The following SLC25A37 variants were observed in gnomAD, a reference collection of about 807,000 sequenced individuals.
SLC25A37 encodes the protein solute carrier family 25 member 37, also known as mitoferrin-1.
In SLC25A37, 17 loss-of-function variants were observed where a neutral mutation model predicts 31.0. The ratio of observed to expected loss-of-function variants is 0.55; its 90% CI spans 0.38 to 0.82. The LOEUF is 0.82. Among genes scored for constraint, SLC25A37 ranks in the 40% least tolerant of loss-of-function variants. The pLI, the probability that SLC25A37 is intolerant of heterozygous loss-of-function variation, is 0.00. For missense variants in SLC25A37, 404 were observed against 465.8 expected, an observed-to-expected ratio of 0.87 and a Z score of 1.22; for synonymous variants, 222 against 193.0, an observed-to-expected ratio of 1.15 and a Z score of -1.24.
intron 1 of SLC25A37, among the ~76,000 whole-genome samples, chr8:23,563,196 A>AT (rs1256697087): frequency 2.0e-5 from 3 of 151,664 alleles, no homozygotes; most frequent in African/African-American, 7.3e-5. Flanking sequence ...TTAATTTTTA[A>AT]TTTTTTTTAA....
At chr8:23,540,912 G>T (rs1801877926) in intron 1 of SLC25A37, among the ~76,000 whole-genome samples, 1 of 152,212 alleles carries the variant, frequency 6.6e-6, no homozygotes, top group Non-Finnish European at 1.5e-5. Context: ...CTGTGCAGGT[G>T]CTAGGTCATG....
chr8:23,536,524 T>G (rs2137301), intron 1 of SLC25A37, among the ~76,000 whole-genome samples: 19,722 of 152,064 alleles, frequency 0.13, 1,739 homozygotes, highest in East Asian at 0.29. Flanking sequence ...TCCTCAGGAA[T>G]GTGCCCTTCC....
chr8:23,538,828 G>T (rs1050145635), intron 1 of SLC25A37, among the ~76,000 whole-genome samples: 1 of 152,198 alleles, frequency 6.6e-6, no homozygotes, highest in Non-Finnish European at 1.5e-5. Flanking sequence ...AAGGTCTGGC[G>T]TGTATGGACT....
chr8:23,538,522 CGTGT>C lies in SLC25A37; in HGVS notation c.210+9331_210+9334del, dbSNP rs202005751. On this transcript the variant is annotated intron_variant, in intron 1 of 3. Coordinates refer to ENST00000519973, the MANE Select transcript of SLC25A37 (RefSeq NM_016612.4). The stretch of plus-strand genomic sequence containing the variant: ...AGACTTTCTTGGCTCCGTTGTTTGT[CGTGT>C]GTGTGTGTGTGTGTGTGTGTTTGTG... Among the ~76,000 whole-genome samples, 342 of 108,886 alleles carry C rather than the reference CGTGT, an allele frequency of 3.1e-3. 2 individuals are homozygous for C. Among genetic ancestry groups the C allele is most frequent in the Middle Eastern group, 8.6e-3 (2 of 232 alleles). The allele number at this position is 108,886 out of a possible 152,430, so 71.4% of individuals were successfully genotyped here. A position where few individuals can be genotyped will look rare whatever the true frequency, so the allele number is the denominator to read the frequency against.
Position 23,568,387 on chromosome 8 carries a change from TC to T in SLC25A37, c.496+10del. The T allele has an allele frequency of 2.5e-6, 4 of 1,613,880 alleles. No homozygotes were observed. The highest frequency in any genetic ancestry group is 3.4e-6 in the Non-Finnish European group (4 of 1,179,868). On this transcript the variant is annotated intron_variant, in intron 3 of 3. Transcript: ENST00000519973. The stretch of plus-strand genomic sequence containing the variant: ...AATGAATCCAGCAGAAGGTAATGTT[TC>T]ATGGTCCCAGGGAGGGGCAGTAGGG...
intron 1 of SLC25A37, among the ~76,000 whole-genome samples, chr8:23,537,195 C>CAAAAA (rs71550712): frequency 2.6e-5 from 3 of 117,252 alleles, no homozygotes; most frequent in African/African-American, 3.4e-5. Flanking sequence ...GACCCTGTCT[C>CAAAAA]AAAAAAAAAA....
At chr8:23,546,612 G>GTATATATA (rs1802071785) in intron 1 of SLC25A37, among the ~76,000 whole-genome samples, 1 of 132,356 alleles carries the variant, frequency 7.6e-6, no homozygotes, top group Admixed American at 8.3e-5. Flanking sequence ...ATGTGTGTGT[G>GTATATATA]TGTGTGTGTA....
chr8:23,538,398 A>AC (rs1468604821), intron 1 of SLC25A37, among the ~76,000 whole-genome samples: 4 of 143,844 alleles, frequency 2.8e-5, no homozygotes, highest in African/African-American at 1.0e-4. Context: ...AAAAAAAAAA[A>AC]AAAAAAAACC....
intron 1 of SLC25A37, among the ~76,000 whole-genome samples, chr8:23,552,467 G>A (rs1802252176): frequency 6.6e-6 from 1 of 152,190 alleles, no homozygotes; most frequent in Non-Finnish European, 1.5e-5. Context: ...CATGTGGCTG[G>A]CGTGGGGTAG....
At chr8:23,546,189 T>C (rs1802033299) in intron 1 of SLC25A37, among the ~76,000 whole-genome samples, 1 of 151,876 alleles carries the variant, frequency 6.6e-6, no homozygotes, top group Non-Finnish European at 1.5e-5. Context: ...TAGTCCCAGC[T>C]ACTCAGGAGG....
rs148976359 is a variant in SLC25A37 at position 23,545,148 on chromosome 8, C to T, written c.210+15936C>T. ...CTGGTCCAGGTCACAACTTGTAGGG[C>T]AAAGAGAGACTTGAGGATGGTGTAG... On this transcript the variant is annotated intron_variant, in intron 1 of 3. Coordinates refer to ENST00000519973, the MANE Select transcript of SLC25A37 (RefSeq NM_016612.4). Among the ~76,000 whole-genome samples, 21 of 152,292 alleles carry T rather than the reference C, an allele frequency of 1.4e-4. No homozygotes were observed. In the East Asian group the frequency reaches 4.1e-3, roughly 29 times the overall value.
Position 23,528,985 on chromosome 8 carries a change from G to C in SLC25A37, c.-18G>C, listed in dbSNP as rs969890916. 2 of 1,476,898 alleles carry C rather than the reference G, an allele frequency of 1.4e-6. No homozygotes were observed. The highest frequency in any genetic ancestry group is 4.6e-5 in the Admixed American group (2 of 43,862). The allele number at this position is 1,476,898 out of a possible 1,614,324, so 91.5% of individuals were successfully genotyped here. On this transcript the variant is annotated 5_prime_UTR_variant, in exon 1 of 4. Transcript: ENST00000519973. ...CTGCCCACCTCCTGCAGCCTCCTGCGCCCCGCCGAGCTGGCGGATGGAGCT... is the reference window on the plus strand; with the variant it reads ...CTGCCCACCTCCTGCAGCCTCCTGCCCCCCGCCGAGCTGGCGGATGGAGCT...
rs1423675434 is a variant in SLC25A37 at position 23,575,347 on chromosome 8, T to A, written c.*3492T>A. The A allele has an allele frequency of 6.6e-6, 1 of 152,216 alleles. No individual in the cohort carries two copies. The highest frequency in any genetic ancestry group is 1.5e-5 in the Non-Finnish European group (1 of 68,044). The allele number at this position is 152,216 out of a possible 1,614,324, so 9.4% of individuals were successfully genotyped here. On this transcript the variant is annotated 3_prime_UTR_variant, in exon 4 of 4. Coordinates refer to ENST00000519973, the MANE Select transcript of SLC25A37 (RefSeq NM_016612.4). ...GTAACTATTGTTTCTGCCTCTCAAT[T>A]GTTGCCAGCTCTTTGAAGAAGGGGA...
At chr8:23,567,778 G>A (rs192523422) in intron 2 of SLC25A37, 108 of 158,240 alleles carry the variant, frequency 6.8e-4, no homozygotes, top group Non-Finnish European at 1.3e-3. Flanking sequence ...GACTGACCCT[G>A]GAAATCTACA....
At chr8:23,562,585 C>T (rs931679178) in intron 1 of SLC25A37, among the ~76,000 whole-genome samples, 15 of 152,192 alleles carry the variant, frequency 9.9e-5, no homozygotes, top group African/African-American at 3.6e-4. Flanking sequence ...CCTCTGTGGC[C>T]TGCACAACCC....
chr8:23,568,948 GAAAAAAA>G, intron 3 of SLC25A37: 2 of 120,158 alleles, frequency 1.7e-5, no homozygotes, highest in Non-Finnish European at 3.4e-5. Flanking sequence ...ATCTCAAAAG[GAAAAAAA>G]AAAAAAAAAA....
chr8:23,566,648 C>G, intron 2 of SLC25A37: 1 of 1,080,558 alleles, frequency 9.3e-7, no homozygotes, highest in Non-Finnish European at 1.1e-6. Context: ...TTTAAACATT[C>G]AAAAGCAATT....
At position 23,571,918 on chromosome 8, in the gene SLC25A37, C is replaced by A; in HGVS notation, c.*63C>A. 1 of 1,551,032 alleles carries A rather than the reference C, an allele frequency of 6.4e-7. No individual in the cohort carries two copies. The highest frequency in any genetic ancestry group is 8.7e-7 in the Non-Finnish European group (1 of 1,144,314). On this transcript the variant is annotated 3_prime_UTR_variant, in exon 4 of 4. Transcript: ENST00000519973. ...CTGCCTGCATCCAGCCCCTTGCCCT[C>A]TCCTCACACGTAGATCATTTTTTTT...
chr8:23,566,578 G>T, intron 2 of SLC25A37: 2 of 1,269,468 alleles, frequency 1.6e-6, no homozygotes, highest in Non-Finnish European at 2.0e-6. Flanking sequence ...CAGTGACAGA[G>T]GTGTTTTGGT....
Sources: gnomAD v4.1 joint callset for allele counts (sites outside exome capture counted in the v4.1 genomes callset) on GRCh38, gnomAD v4.1.1 for gene constraint, MANE v1.5 for transcripts, NCBI Gene and HGNC (gene_info 2026-07-23, HGNC 2026-07-21) for gene names.